The following R3HDM1 variants were observed in gnomAD, a reference collection of about 807,000 sequenced individuals.
R3HDM1 encodes R3H domain-containing protein 1.
In R3HDM1, 46 loss-of-function variants were observed where a neutral mutation model predicts 141.1. The ratio of observed to expected loss-of-function variants is 0.33; its 90% CI spans 0.26 to 0.42. R3HDM1 has a LOEUF of 0.42. Ranked by LOEUF, R3HDM1 falls within the 10% of genes least tolerant of loss-of-function variation. R3HDM1 has a pLI of 1.00. For missense variants in R3HDM1, 1,184 were observed against 1,368.3 expected (o/e 0.87, Z 2.12); for synonymous variants, 435 against 472.9 (o/e 0.92, Z 1.04).
chr2:135,630,469 T>G (rs931099599), intron 7 of R3HDM1, among the ~76,000 whole-genome samples: 2 of 152,120 alleles, frequency 1.3e-5, no homozygotes, highest in Admixed American at 1.3e-4. Context: ...AGCTTTGGAT[T>G]TGAAATCACC....
rs186848712 is a variant in R3HDM1 at position 135,586,823 on chromosome 2, G to A, written c.-249-15677G>A. 71 of 985,210 alleles carry A rather than the reference G, an allele frequency of 7.2e-5. 2 individuals carry two copies. In the East Asian group the frequency reaches 7.2e-3, roughly 99 times the overall value. The allele number at this position is 985,210 out of a possible 1,614,324, so 61.0% of individuals were successfully genotyped here. On this transcript the variant is annotated intron_variant, in intron 1 of 26. Coordinates refer to ENST00000683871, the MANE Select transcript of R3HDM1 (RefSeq NM_001378107.1). Reference sequence around the variant, plus strand: ...GTGTGCTAATTGGTATTTGTGTATAGCACAGCAAATTGTCAGCTGGAAAAA... The same window carrying A: ...GTGTGCTAATTGGTATTTGTGTATAACACAGCAAATTGTCAGCTGGAAAAA...
intron 15 of R3HDM1, among the ~76,000 whole-genome samples, chr2:135,642,423 G>C (rs988059705): frequency 1.3e-5 from 2 of 152,126 alleles, no homozygotes; most frequent in African/African-American, 4.8e-5. Flanking sequence ...ATATAACCTT[G>C]TTAGGTAGGT....
chr2:135,610,518 A>C (rs1035633041), intron 3 of R3HDM1, among the ~76,000 whole-genome samples: 1 of 152,214 alleles, frequency 6.6e-6, no homozygotes, highest in Non-Finnish European at 1.5e-5. Context: ...TGAGACTCTT[A>C]TGTCTTGTAT....
chr2:135,550,663 C>G (rs1380638688), intron 1 of R3HDM1, among the ~76,000 whole-genome samples: 2 of 152,136 alleles, frequency 1.3e-5, no homozygotes, highest in African/African-American at 4.8e-5. Flanking sequence ...AAAGATATAC[C>G]TCTGCTCATG....
intron 1 of R3HDM1, among the ~76,000 whole-genome samples, chr2:135,578,255 GTATC>G (rs1559158495): frequency 6.6e-6 from 1 of 152,166 alleles, no homozygotes; most frequent in Non-Finnish European, 1.5e-5. Flanking sequence ...AGTATGAAGA[GTATC>G]TATAATATGC....
chr2:135,659,610 T>A (rs1434989768), intron 18 of R3HDM1, among the ~76,000 whole-genome samples: 3 of 152,026 alleles, frequency 2.0e-5, no homozygotes, highest in Non-Finnish European at 4.4e-5. Flanking sequence ...GCTAATTTTT[T>A]AATTTTCAGT....
chr2:135,717,233 C>G (rs1236305026), intron 24 of R3HDM1, among the ~76,000 whole-genome samples: 1 of 152,142 alleles, frequency 6.6e-6, no homozygotes, highest in Non-Finnish European at 1.5e-5. Context: ...CCTGTAATCT[C>G]AGCACTTCGG....
chr2:135,553,792 G>A (rs1700239897), intron 1 of R3HDM1, among the ~76,000 whole-genome samples: 3 of 152,228 alleles, frequency 2.0e-5, no homozygotes, highest in African/African-American at 7.2e-5. Context: ...CCCGGGTCAA[G>A]CTATTCTCCT....
At chr2:135,582,974 CAGAT>C (rs1376933042) in intron 1 of R3HDM1, among the ~76,000 whole-genome samples, 3 of 152,194 alleles carry the variant, frequency 2.0e-5, no homozygotes, top group Admixed American at 1.3e-4. Flanking sequence ...AATAGACACA[CAGAT>C]AGCCTTCTGT....
At chr2:135,611,037 A>C (rs1245078205) in intron 3 of R3HDM1, among the ~76,000 whole-genome samples, 1 of 149,986 alleles carries the variant, frequency 6.7e-6, no homozygotes, top group Non-Finnish European at 1.5e-5. Flanking sequence ...TTGAGAGTTC[A>C]AGGCTGCAGT....
chr2:135,566,002 A>G (rs1256982749), intron 1 of R3HDM1: 1 of 152,320 alleles, frequency 6.6e-6, no homozygotes, highest in African/African-American at 2.4e-5. Context: ...AGATAATGGG[A>G]GTGCTAGAAG....
At chr2:135,543,664 A>C (rs985481495) in intron 1 of R3HDM1, among the ~76,000 whole-genome samples, 2 of 152,262 alleles carry the variant, frequency 1.3e-5, no homozygotes, top group African/African-American at 4.8e-5. Flanking sequence ...CATATTTTGT[A>C]CAAAATAACT....
At chr2:135,586,785 G>C (rs941659610) in intron 1 of R3HDM1, 6 of 984,856 alleles carry the variant, frequency 6.1e-6, no homozygotes, top group Non-Finnish European at 7.2e-6. Flanking sequence ...CTTACTGATA[G>C]AATGGTTTAC....
At chr2:135,537,253 T>A (rs1208534111) in intron 1 of R3HDM1, among the ~76,000 whole-genome samples, 1 of 144,826 alleles carries the variant, frequency 6.9e-6, no homozygotes, top group African/African-American at 2.5e-5. Flanking sequence ...TACAAAACAA[T>A]AGCTAAAGTG....
intron 3 of R3HDM1, among the ~76,000 whole-genome samples, chr2:135,609,314 A>C (rs1201707976): frequency 2.6e-5 from 4 of 152,174 alleles, no homozygotes; most frequent in Admixed American, 1.3e-4. Context: ...ATTTTATAGA[A>C]ATTTTAGGAT....
rs1280106069 is a variant in R3HDM1 at position 135,675,467 on chromosome 2, C to T, written c.2288C>T (p.Thr763Ile). ...ATTCAAGGAGTGGTCATCCCCTATA[C>T]TTCAGTGCCAACATATCAGGTATAT... is the stretch of plus-strand genomic sequence containing the variant. ...NQIQGVVIPY[T>I]SVPTYQVSLP... The change falls in exon 20 of 27, where the codon ACT (threonine) becomes ATT (isoleucine). Residue 763 changes from threonine to isoleucine, a missense_variant. By Grantham distance (89) the Thr-to-Ile change is moderately conservative. Around this residue, in one of 5 missense-constraint regions of R3HDM1, gnomAD observed 563 missense variants for 562.0 expected, o/e 1.00. Transcript: ENST00000683871. 1.9e-6 allele frequency: 3 copies of T among 1,613,566 alleles called. No individual in the cohort carries two copies. The highest frequency in any genetic ancestry group is 3.3e-5 in the Admixed American group (2 of 59,978).
At chr2:135,568,342 C>T (rs565265258) in intron 1 of R3HDM1, among the ~76,000 whole-genome samples, 1 of 151,728 alleles carries the variant, frequency 6.6e-6, no homozygotes, top group South Asian at 2.1e-4. Flanking sequence ...GCCACTGCAC[C>T]TGGCCACAGT....
At chr2:135,536,849 T>C in intron 1 of R3HDM1, 1 of 402,390 alleles carries the variant, frequency 2.5e-6, no homozygotes, top group Non-Finnish European at 3.4e-6. Flanking sequence ...TGGCATTAGA[T>C]TCTCATAGGA....
chr2:135,568,833 A>T (rs1202011004), intron 1 of R3HDM1: 4 of 152,222 alleles, frequency 2.6e-5, no homozygotes, highest in African/African-American at 9.6e-5. Flanking sequence ...ACTCAAGTGG[A>T]TGAGGTCCAA....
Sources: allele counts gnomAD v4.1 joint callset (sites outside exome capture counted in the v4.1 genomes callset), GRCh38; gene constraint gnomAD v4.1.1; regional missense constraint gnomAD v4.1.1; transcripts MANE v1.5; gene names NCBI Gene and HGNC (gene_info 2026-07-23, HGNC 2026-07-21).